TTC6: variants seen among roughly 807,000 people sequenced by gnomAD.
TTC6 encodes tetratricopeptide repeat domain 6.
Under a neutral mutation model 210.4 loss-of-function variants are expected in TTC6, and 172 were observed. That is an observed-to-expected ratio of 0.82 (90% confidence interval 0.72 to 0.93). TTC6 has a LOEUF of 0.93. TTC6 is among the 40% of genes least tolerant of loss of function. The pLI is 0.00. For synonymous variants in TTC6, 804 were observed against 819.6 expected, an observed-to-expected ratio of 0.98 and a Z score of 0.32; for missense variants, 2,414 against 2,318.1, an observed-to-expected ratio of 1.04 and a Z score of -0.85.
At chr14:37,631,416 C>CT (rs748821313) in intron 1 of TTC6, among the ~76,000 whole-genome samples, 1 of 152,132 alleles carries the variant, frequency 6.6e-6, no homozygotes, top group African/African-American at 2.4e-5. Context: ...AAATTCTTTG[C>CT]TTTAAGAATG....
chr14:37,670,107 A>G (rs138286207), intron 1 of TTC6, among the ~76,000 whole-genome samples: 68 of 152,264 alleles, frequency 4.5e-4, no homozygotes, highest in African/African-American at 1.6e-3. Context: ...AAATATAAAC[A>G]TAGGTTAGAT....
intron 1 of TTC6, among the ~76,000 whole-genome samples, chr14:37,651,413 ATATATATATATATTTTTTTTTTT>A (rs1431315496): frequency 3.5e-4 from 8 of 22,926 alleles, no homozygotes; most frequent in South Asian, 5.1e-3. Flanking sequence ...ATATATATAT[ATATATATATATATTTTTTTTTTT>A]TTTTTTTTTT....
At chr14:37,611,400 G>T (rs2095634218) in intron 2 of TTC6, 2 of 152,344 alleles carry the variant, frequency 1.3e-5, no homozygotes, top group Non-Finnish European at 1.5e-5. Context: ...GTGACTTCGT[G>T]TGGGCGCTTT....
intron 2 of TTC6, among the ~76,000 whole-genome samples, chr14:37,607,460 T>C (rs1035753231): frequency 1.9e-4 from 29 of 152,184 alleles, no homozygotes; most frequent in Admixed American, 5.2e-4. Flanking sequence ...GCCAACATTG[T>C]GCTAGATACT....
intron 29 of TTC6, among the ~76,000 whole-genome samples, chr14:37,829,561 C>T (rs2096180016): frequency 1.3e-5 from 2 of 151,912 alleles, no homozygotes; most frequent in South Asian, 4.1e-4. Flanking sequence ...AAAGTTTATC[C>T]TCATATTCTT....
At chr14:37,749,902 T>A in intron 12 of TTC6, 59 bp downstream of exon 14, 1 of 1,141,104 alleles carries the variant, frequency 8.8e-7, no homozygotes, top group South Asian at 3.3e-5. Flanking sequence ...CTTTGTCATT[T>A]ATTGGTACTA....
At chr14:37,664,704 G>A (rs2095744295) in intron 1 of TTC6, among the ~76,000 whole-genome samples, 1 of 150,596 alleles carries the variant, frequency 6.6e-6, no homozygotes, top group African/African-American at 2.4e-5. Context: ...TATAATCAGA[G>A]TGAACAGACA....
chr14:37,647,667 G>C (rs1189568593), intron 1 of TTC6, among the ~76,000 whole-genome samples: 1 of 152,076 alleles, frequency 6.6e-6, no homozygotes, highest in African/African-American at 2.4e-5. Flanking sequence ...ATAATTCTAG[G>C]GTTCAGGTGG....
In TTC6 at chr14:37,806,528, T is replaced by C. The variant is rs971698276; in HGVS notation, c.4314+18T>C. The C allele has an allele frequency of 6.7e-6, 10 of 1,503,034 alleles. No individual in the cohort carries two copies. The highest frequency in any genetic ancestry group is 8.9e-6 in the Non-Finnish European group (10 of 1,127,050). The allele number at this position is 1,503,034 out of a possible 1,614,324, so 93.1% of individuals were successfully genotyped here. ...ATTACCAGGTATTTAAACAGATGTT[T>C]TTAGTGAGTTGGAAAGTGTTAAGTT... On this transcript the variant is annotated intron_variant, in intron 22 of 30. Transcript: ENST00000553443.
chr14:37,829,619 C>T (rs1390718333), intron 29 of TTC6, among the ~76,000 whole-genome samples: 1 of 151,926 alleles, frequency 6.6e-6, no homozygotes, highest in Admixed American at 6.6e-5. Flanking sequence ...AACTTGGTTT[C>T]CACAGTCTCT....
chr14:37,711,954 G>A (rs915897335), intron 5 of TTC6, among the ~76,000 whole-genome samples: 4 of 152,114 alleles, frequency 2.6e-5, no homozygotes, highest in African/African-American at 9.7e-5. Flanking sequence ...AGATAGTGGT[G>A]TTTTTCAAAG....
intron 14 of TTC6, among the ~76,000 whole-genome samples, chr14:37,787,160 A>G (rs1304374075): frequency 2.0e-5 from 3 of 152,232 alleles, no homozygotes; most frequent in Admixed American, 6.5e-5. Context: ...GGAATCAATA[A>G]ATAATAAATG....
intron 1 of TTC6, among the ~76,000 whole-genome samples, chr14:37,675,770 CATCCTAGTGAGTATAAAGTGGT>C (rs2095767876): frequency 6.6e-6 from 1 of 150,534 alleles, no homozygotes; most frequent in Non-Finnish European, 1.5e-5. Context: ...TTTTTATAGC[CATCCTAGTGAGTATAAAGTGGT>C]ATCTCACTGT....
chr14:37,663,795 T>C (rs1376484206), intron 1 of TTC6, among the ~76,000 whole-genome samples: 1 of 152,142 alleles, frequency 6.6e-6, no homozygotes, highest in African/African-American at 2.4e-5. Flanking sequence ...GATAAGCAAC[T>C]TCAGCAAATT....
chr14:37,663,159 A>G (rs1056443146), intron 1 of TTC6, among the ~76,000 whole-genome samples: 2 of 151,952 alleles, frequency 1.3e-5, no homozygotes, highest in Non-Finnish European at 2.9e-5. Context: ...TTTTTGTGGT[A>G]ACGGTGAATG....
chr14:37,693,726 T>C (rs1444322473), intron 3 of TTC6, among the ~76,000 whole-genome samples: 1 of 152,096 alleles, frequency 6.6e-6, no homozygotes, highest in Non-Finnish European at 1.5e-5. Context: ...CAAAACAGCA[T>C]GGTACTGGCA....
chr14:37,604,651 T>C (rs1231933755), intron 1 of TTC6, among the ~76,000 whole-genome samples: 4 of 152,018 alleles, frequency 2.6e-5, no homozygotes, highest in Non-Finnish European at 4.4e-5. Flanking sequence ...GGTTGTGGTT[T>C]GGATCTAGGA....
At chr14:37,771,247 C>T (rs2096017516) in intron 14 of TTC6, among the ~76,000 whole-genome samples, 1 of 152,114 alleles carries the variant, frequency 6.6e-6, no homozygotes, top group South Asian at 2.1e-4. Flanking sequence ...TTTTTTCCTT[C>T]ATTTCAACTT....
At chr14:37,603,382 A>G (rs1011868575) in intron 1 of TTC6, among the ~76,000 whole-genome samples, 4 of 152,200 alleles carry the variant, frequency 2.6e-5, no homozygotes, top group African/African-American at 9.7e-5. Flanking sequence ...CAGGGAAATG[A>G]GGAACCCGTG....
Sources: allele counts gnomAD v4.1 joint callset (sites outside exome capture counted in the v4.1 genomes callset), GRCh38; gene constraint gnomAD v4.1.1; transcripts MANE v1.5; gene names NCBI Gene and HGNC (gene_info 2026-07-23, HGNC 2026-07-21).